Variants in DOCK3 observed in about 807,000 individuals in gnomAD.
DOCK3 encodes the protein dedicator of cytokinesis protein 3.
In DOCK3, 60 loss-of-function variants were observed where a neutral mutation model predicts 265.6. That is an observed-to-expected ratio of 0.23 (90% confidence interval 0.18 to 0.28). The LOEUF (loss-of-function observed/expected upper bound fraction) is 0.28. Among genes scored for constraint, DOCK3 ranks in the 10% least tolerant of loss-of-function variants. The pLI is 1.00. For missense variants in DOCK3, 1,981 were observed against 2,594.3 expected, an observed-to-expected ratio of 0.76 and a Z score of 5.14; for synonymous variants, 881 against 938.0, an observed-to-expected ratio of 0.94 and a Z score of 1.11.
At chr3:50,732,381 C>T (rs151196996) in intron 1 of DOCK3, among the ~76,000 whole-genome samples, 3 of 152,002 alleles carry the variant, frequency 2.0e-5, no homozygotes, top group African/African-American at 7.2e-5. Context: ...TGTAACAAAC[C>T]TGCACATCCT....
chr3:51,379,114 TC>T (rs1258887024), intron 51 of DOCK3, among the ~76,000 whole-genome samples: 4 of 152,192 alleles, frequency 2.6e-5, no homozygotes, highest in Admixed American at 2.0e-4. Context: ...CTCATTCTCA[TC>T]TCTACTCTTC....
At chr3:50,804,925 C>T (rs566223671) in intron 2 of DOCK3, among the ~76,000 whole-genome samples, 23 of 152,126 alleles carry the variant, frequency 1.5e-4, no homozygotes, top group African/African-American at 5.3e-4. Flanking sequence ...CGTTGATTTC[C>T]CCAATTTTGT....
chr3:50,810,569 G>A (rs1008492262), intron 2 of DOCK3, among the ~76,000 whole-genome samples: 4 of 151,802 alleles, frequency 2.6e-5, no homozygotes, highest in African/African-American at 4.8e-5. Flanking sequence ...AAATTTAGCC[G>A]TACACTAATG....
chr3:50,799,496 AT>A (rs1448535618), intron 2 of DOCK3, among the ~76,000 whole-genome samples: 1 of 151,594 alleles, frequency 6.6e-6, no homozygotes, highest in Non-Finnish European at 1.5e-5. Flanking sequence ...TGCCTTCTTC[AT>A]TTTTTTGGCT....
At chr3:50,717,064 T>TAGTC (rs1236796719) in intron 1 of DOCK3, among the ~76,000 whole-genome samples, 3 of 152,392 alleles carry the variant, frequency 2.0e-5, no homozygotes, top group African/African-American at 7.2e-5. Flanking sequence ...TCTTTTAATA[T>TAGTC]AGTCCATAGG....
intron 1 of DOCK3, among the ~76,000 whole-genome samples, chr3:50,741,177 T>C (rs2038999188): frequency 6.6e-6 from 1 of 151,856 alleles, no homozygotes; most frequent in Admixed American, 6.6e-5. Flanking sequence ...ATTTTGTTTA[T>C]CCACTAATAT....
At chr3:51,249,583 CAGT>C in intron 22 of DOCK3, among the ~76,000 whole-genome samples, 1 of 125,106 alleles carries the variant, frequency 8.0e-6, no homozygotes, top group Admixed American at 7.3e-5. Flanking sequence ...GCCAGCCGCC[CAGT>C]CCGGGAGGGA....
chr3:51,361,730 T>C lies in DOCK3; in HGVS notation c.5007-129T>C. On this transcript the variant is annotated intron_variant, in intron 47 of 52. Transcript: ENST00000266037. The surrounding 1 kb of genome is among the most constrained non-coding windows in gnomAD (Gnocchi z 4.2). The stretch of plus-strand genomic sequence containing the variant: ...TCCAGGCCTCAGATGGGTATGAGCA[T>C]TGACTATGGAACCCTCCAAACCGGT... 7.8e-7 allele frequency: 1 copy of C among 1,278,144 alleles called. No homozygotes were observed. The highest frequency in any genetic ancestry group is 1.1e-6 in the Non-Finnish European group (1 of 936,554). The allele number at this position is 1,278,144 out of a possible 1,614,324, so 79.2% of individuals were successfully genotyped here.
At chr3:50,838,024 G>C (rs1345041106) in intron 2 of DOCK3, among the ~76,000 whole-genome samples, 1 of 152,144 alleles carries the variant, frequency 6.6e-6, no homozygotes, top group African/African-American at 2.4e-5. Flanking sequence ...AGTAACTAAG[G>C]CTCAAAAAGT....
At chr3:51,180,067 G>A (rs781165218) in intron 12 of DOCK3, among the ~76,000 whole-genome samples, 2 of 151,982 alleles carry the variant, frequency 1.3e-5, no homozygotes, top group Non-Finnish European at 2.9e-5. Flanking sequence ...CATTAGCCAG[G>A]CGTGGTGGCC....
intron 5 of DOCK3, among the ~76,000 whole-genome samples, chr3:50,941,692 A>C (rs2076300542): frequency 6.6e-6 from 1 of 152,092 alleles, no homozygotes; most frequent in Non-Finnish European, 1.5e-5. Context: ...ATAGAAGAAA[A>C]AACTGTGGAC....
intron 9 of DOCK3, among the ~76,000 whole-genome samples, chr3:51,109,466 A>C (rs957314682): frequency 7.2e-5 from 11 of 152,334 alleles, no homozygotes; most frequent in Middle Eastern, 3.4e-3. Flanking sequence ...AGAACTAGAA[A>C]AGCAAGAGCA....
intron 2 of DOCK3, 78 bp downstream of exon 2, chr3:50,778,836 A>C: frequency 4.2e-6 from 4 of 962,008 alleles, no homozygotes; most frequent in Non-Finnish European, 6.1e-6. Context: ...TGCTAATAAG[A>C]TTATAAGCAA....
intron 3 of DOCK3, among the ~76,000 whole-genome samples, chr3:50,878,363 A>C (rs1575426798): frequency 6.6e-6 from 1 of 152,336 alleles, no homozygotes; most frequent in Non-Finnish European, 1.5e-5. Context: ...ACCCATTGCA[A>C]AGAAGCTAAA....
chr3:50,681,277 T>A (rs577214894), intron 1 of DOCK3, among the ~76,000 whole-genome samples: 3 of 152,232 alleles, frequency 2.0e-5, no homozygotes, highest in African/African-American at 7.2e-5. Context: ...AGAATGGTCA[T>A]TGAGGTTGAA....
At chr3:51,028,277 T>C (rs988892595) in intron 5 of DOCK3, among the ~76,000 whole-genome samples, 3 of 152,202 alleles carry the variant, frequency 2.0e-5, no homozygotes, top group African/African-American at 7.2e-5. Flanking sequence ...TTATAAGGTT[T>C]CTGCTGAGAA....
At chr3:50,967,417 C>T (rs902865516) in intron 5 of DOCK3, among the ~76,000 whole-genome samples, 4 of 152,110 alleles carry the variant, frequency 2.6e-5, no homozygotes, top group Non-Finnish European at 4.4e-5. Flanking sequence ...CATCCATTGA[C>T]GGATTGATTT....
intron 5 of DOCK3, among the ~76,000 whole-genome samples, chr3:51,048,843 A>C (rs2080876051): frequency 6.6e-6 from 1 of 151,652 alleles, no homozygotes; most frequent in South Asian, 2.1e-4. Context: ...AGCCTGAGCG[A>C]CAGAGCGAGA....
At chr3:50,688,437 A>G (rs565971509) in intron 1 of DOCK3, among the ~76,000 whole-genome samples, 1 of 152,256 alleles carries the variant, frequency 6.6e-6, no homozygotes, top group East Asian at 1.9e-4. Flanking sequence ...CCCGTAATTT[A>G]AGTAGGACTC....
Sources: gnomAD v4.1 joint callset for allele counts (sites outside exome capture counted in the v4.1 genomes callset) on GRCh38, gnomAD v4.1.1 for gene constraint, Gnocchi (gnomAD v3.1) non-coding constraint, MANE v1.5 for transcripts, NCBI Gene and HGNC (gene_info 2026-07-23, HGNC 2026-07-21) for gene names.